LRRC72: variants seen among roughly 807,000 people sequenced by gnomAD.
LRRC72 encodes the protein leucine-rich repeat-containing protein 72.
A neutral mutation model predicts 35.8 loss-of-function variants in LRRC72; 41 were observed. The observed-to-expected ratio is 1.15, with a 90% CI of 0.89 to 1.49. The LOEUF (loss-of-function observed/expected upper bound fraction) is 1.49. Among genes scored for constraint, LRRC72 ranks in the 40% most tolerant of loss-of-function variants. The pLI, the probability that LRRC72 is intolerant of heterozygous loss-of-function variation, is 0.00. For missense variants in LRRC72, 389 were observed against 330.7 expected (o/e 1.18, Z -1.37); for synonymous variants, 118 against 119.2 (o/e 0.99, Z 0.07).
chr7:16,542,758 C>CT (rs1209717926), intron 3 of LRRC72, among the ~76,000 whole-genome samples: 1 of 152,114 alleles, frequency 6.6e-6, no homozygotes, highest in African/African-American at 2.4e-5. Context: ...AGGTGTGTAG[C>CT]TTTTTTATCT....
intron 3 of LRRC72, among the ~76,000 whole-genome samples, chr7:16,547,869 T>TGGGCAGAGGGGGGCAGGTCCCC (rs370907914): frequency 1.4e-4 from 21 of 152,220 alleles, no homozygotes; most frequent in African/African-American, 5.1e-4. Context: ...CACAGGTTCC[T>TGGGCAGAGGGGGGCAGGTCCCC]GGGCAGAGGG....
chr7:16,561,896 T>C lies in LRRC72; in HGVS notation c.427+2897T>C, dbSNP rs923551302. On this transcript the variant is annotated intron_variant, in intron 5 of 8. Transcript: ENST00000401542. ...CTGATAAACTAAAATGAGAACTCTA[T>C]GTATTTTCAAATGTAGTCATTTTTG... Among the ~76,000 whole-genome samples the C allele has an allele frequency of 2.6e-5, 4 of 152,274 alleles. No homozygotes were observed. The South Asian group carries it at 8.3e-4, about 31-fold the overall frequency.
At chr7:16,535,512 A>C (rs1782238913) in intron 2 of LRRC72, among the ~76,000 whole-genome samples, 1 of 152,218 alleles carries the variant, frequency 6.6e-6, no homozygotes, top group African/African-American at 2.4e-5. Context: ...TGGCTCAGGT[A>C]AGGATCATCA....
At chr7:16,537,731 T>A in intron 3 of LRRC72, 35 bp downstream of exon 3, 1 of 1,156,302 alleles carries the variant, frequency 8.6e-7, no homozygotes, top group Non-Finnish European at 1.2e-6. Flanking sequence ...TTACTAAAAT[T>A]AAACTACTAT....
At chr7:16,544,869 C>T (rs1332661155) in intron 3 of LRRC72, among the ~76,000 whole-genome samples, 3 of 152,200 alleles carry the variant, frequency 2.0e-5, no homozygotes, top group African/African-American at 7.2e-5. Flanking sequence ...TTCTGCTGTG[C>T]AGCAAAAACC....
At chr7:16,557,232 C>G (rs1782664124) in intron 3 of LRRC72, 128 bp from the exon 4 acceptor site, 1 of 252,926 alleles carries the variant, frequency 4.0e-6, no homozygotes, top group African/African-American at 2.3e-5. Flanking sequence ...ATAAGAATAG[C>G]AGAGGTCAAA....
At chr7:16,537,920 T>A (rs1386721051) in intron 3 of LRRC72, among the ~76,000 whole-genome samples, 1 of 152,190 alleles carries the variant, frequency 6.6e-6, no homozygotes, top group Non-Finnish European at 1.5e-5. Context: ...TGTGAGGTGC[T>A]ATCAAATTGC....
At chr7:16,542,482 A>T (rs1187506301) in intron 3 of LRRC72, among the ~76,000 whole-genome samples, 3 of 152,204 alleles carry the variant, frequency 2.0e-5, no homozygotes, top group Non-Finnish European at 2.9e-5. Context: ...AGGTCCTGAC[A>T]ACATGGGCCC....
chr7:16,577,658 C>T (rs1269821393), intron 7 of LRRC72, among the ~76,000 whole-genome samples: 1 of 151,796 alleles, frequency 6.6e-6, no homozygotes, highest in Non-Finnish European at 1.5e-5. Flanking sequence ...GTCTTTATAA[C>T]ATATATAATA....
chr7:16,558,873 AT>A lies in LRRC72; in HGVS notation c.317-14del. 7.4e-7 allele frequency: 1 copy of A among 1,349,826 alleles called. No homozygotes were observed. The highest frequency in any genetic ancestry group is 1.8e-5 in the South Asian group (1 of 55,996). 83.6% of individuals were successfully genotyped at this position (1,349,826 alleles called of 1,614,324 possible). On this transcript the variant is annotated splice_polypyrimidine_tract_variant and intron_variant, in intron 4 of 8. Coordinates refer to ENST00000401542, the MANE Select transcript of LRRC72 (RefSeq NM_001195280.2). ...AAAATGTTTAAAATCTTGTAAAAAT[AT>A]TCTGTTTTTTTTAGGTCTGCATTAT... is the stretch of plus-strand genomic sequence containing the variant.
rs146122651 is a variant in LRRC72, at chr7:16,544,702, T to C, written c.234+7006T>C. Among the ~76,000 whole-genome samples the C allele has an allele frequency of 4.3e-3, 649 of 152,356 alleles. 4 individuals carry two copies. The highest frequency in any genetic ancestry group is 0.015 in the African/African-American group (617 of 41,584). ...TACTTCAAAAATTTTCTTTTATGGA[T>C]GTCCAATAATGACTATGCATTCATA... On this transcript the variant is annotated intron_variant, in intron 3 of 8. Coordinates refer to ENST00000401542, the MANE Select transcript of LRRC72 (RefSeq NM_001195280.2).
At chr7:16,561,535 A>C (rs1782743846) in intron 5 of LRRC72, among the ~76,000 whole-genome samples, 1 of 152,184 alleles carries the variant, frequency 6.6e-6, no homozygotes, top group Admixed American at 6.6e-5. Flanking sequence ...TTTAAATACC[A>C]GCCTGGTAGT....
Position 16,526,993 on chromosome 7 carries a change from GCTGGCGCCTACGGAGGGCATCCGAAA to G in LRRC72, c.45_70del (p.Trp15CysfsTer10). 1 of 1,540,088 alleles carries G rather than the reference GCTGGCGCCTACGGAGGGCATCCGAAA, an allele frequency of 6.5e-7. No homozygotes were observed. Among genetic ancestry groups the G allele is most frequent in the Non-Finnish European group, 8.7e-7 (1 of 1,146,942 alleles). ...AACCCCGTGCCCCGTACCTTGCGAT[GCTGGCGCCTACGGAGGGCATCCGAAA>G]CTGCCCTACAGAGCAGTCGCCGGGT... On this transcript the variant is annotated frameshift_variant, in exon 1 of 9. Coordinates refer to ENST00000401542, the MANE Select transcript of LRRC72 (RefSeq NM_001195280.2). LOFTEE classifies it high-confidence loss of function.
At chr7:16,567,888 T>C (rs1341789679) in intron 7 of LRRC72, among the ~76,000 whole-genome samples, 2 of 152,058 alleles carry the variant, frequency 1.3e-5, no homozygotes, top group Non-Finnish European at 1.5e-5. Context: ...ATTTTACCAA[T>C]TAAGTCTATA....
chr7:16,541,900 G>C (rs571066786), intron 3 of LRRC72, among the ~76,000 whole-genome samples: 2 of 152,198 alleles, frequency 1.3e-5, no homozygotes, highest in African/African-American at 4.8e-5. Context: ...GACAGAGCGA[G>C]ACTCCATCTC....
intron 3 of LRRC72, among the ~76,000 whole-genome samples, chr7:16,552,198 TAATTTCAGG>T (rs1434909179): frequency 6.6e-6 from 1 of 152,192 alleles, no homozygotes; most frequent in African/African-American, 2.4e-5. Context: ...TTATGAAGCA[TAATTTCAGG>T]AACATTCAAA....
At chr7:16,535,197 A>C in intron 2 of LRRC72, among the ~76,000 whole-genome samples, 1 of 152,202 alleles carries the variant, frequency 6.6e-6, no homozygotes, top group East Asian at 1.9e-4. Flanking sequence ...TAAAAAAGAA[A>C]AAAAAAGTTG....
chr7:16,571,008 G>C (rs926093443), intron 7 of LRRC72, among the ~76,000 whole-genome samples: 5 of 150,208 alleles, frequency 3.3e-5, no homozygotes, highest in African/African-American at 1.2e-4. Context: ...ACTTTTTGAA[G>C]AGAACAGGCC....
At chr7:16,528,443 C>A (rs1428944518) in intron 1 of LRRC72, among the ~76,000 whole-genome samples, 1 of 152,076 alleles carries the variant, frequency 6.6e-6, no homozygotes, top group African/African-American at 2.4e-5. Context: ...CATCTGTCTT[C>A]CCTCCCATCA....
Sources: allele counts gnomAD v4.1 joint callset (sites outside exome capture counted in the v4.1 genomes callset), GRCh38; gene constraint gnomAD v4.1.1; transcripts MANE v1.5; gene names NCBI Gene and HGNC (gene_info 2026-07-23, HGNC 2026-07-21).